The following PBX1 variants were observed in gnomAD, a reference collection of about 807,000 sequenced individuals.
PBX1 encodes PBX homeobox 1.
PBX1 carries 6 observed loss-of-function variants against 53.4 expected under a neutral mutation model. The ratio of observed to expected loss-of-function variants is 0.11; its 90% CI spans 0.06 to 0.22. PBX1 has a LOEUF of 0.22. PBX1 is among the 10% of genes least tolerant of loss of function. The pLI, the probability that PBX1 is intolerant of heterozygous loss-of-function variation, is 1.00. For synonymous variants in PBX1, 204 were observed against 212.3 expected, an observed-to-expected ratio of 0.96 and a Z score of 0.34; for missense variants, 251 against 551.4, an observed-to-expected ratio of 0.46 and a Z score of 5.46.
chr1:164,652,350 A>C (rs1659879960), intron 2 of PBX1, among the ~76,000 whole-genome samples: 1 of 151,976 alleles, frequency 6.6e-6, no homozygotes, highest in South Asian at 2.1e-4. Context: ...CCCTCACTCC[A>C]CCCCAATTTG....
chr1:164,869,294 C>T (rs979218361), intron 2 of PBX1, among the ~76,000 whole-genome samples: 3 of 152,142 alleles, frequency 2.0e-5, no homozygotes, highest in Non-Finnish European at 4.4e-5. Flanking sequence ...TAGTTAAAAC[C>T]CCAGGAGATC....
rs574561094 is a variant in PBX1 at position 164,802,418 on chromosome 1, C to T, written c.701+2529C>T. Among the ~76,000 whole-genome samples the T allele has an allele frequency of 3.6e-4, 55 of 152,200 alleles. 1 individual carries two copies. The highest frequency in any genetic ancestry group is 1.1e-3 in the African/African-American group (46 of 41,528). The stretch of plus-strand genomic sequence containing the variant: ...CAGAATTCATTTCCTTCTGATTGTA[C>T]GACTGAGGGCCTCAGTTCCTAGAGG... On this transcript the variant is annotated intron_variant, in intron 4 of 8. Coordinates refer to ENST00000420696, the MANE Select transcript of PBX1 (RefSeq NM_002585.4).
At chr1:164,651,200 AC>A (rs1659791862) in intron 2 of PBX1, among the ~76,000 whole-genome samples, 1 of 151,452 alleles carries the variant, frequency 6.6e-6, no homozygotes, top group South Asian at 2.1e-4. Flanking sequence ...CTTGGATCTC[AC>A]CCCCCTCCCC....
At position 164,851,230 on chromosome 1, in the gene PBX1, C is replaced by T. The variant is rs1304506692; in HGVS notation, c.*4554C>T. 4.8e-6 allele frequency: 1 copy of T among 210,346 alleles called. No homozygotes were observed. The highest frequency in any genetic ancestry group is 9.6e-6 in the Non-Finnish European group (1 of 103,774). The allele number at this position is 210,346 out of a possible 1,614,324, so 13.0% of individuals were successfully genotyped here. A position where few individuals can be genotyped will look rare whatever the true frequency, so the allele number is the denominator to read the frequency against. ...AGAGGAAAAAAGAAAGCCATATTAT[C>T]TGGAAAAAAATTCATTTTAAATACC... On this transcript the variant is annotated 3_prime_UTR_variant, in exon 9 of 9. Coordinates refer to ENST00000420696, the MANE Select transcript of PBX1 (RefSeq NM_002585.4).
Position 164,876,005 on chromosome 1 carries a change from TACAC to T in PBX1, n.258-23179_258-23176del, listed in dbSNP as rs57809969. Among the ~76,000 whole-genome samples, 135 of 56,838 alleles carry T rather than the reference TACAC, an allele frequency of 2.4e-3. 9 individuals are homozygous for T. The highest frequency in any genetic ancestry group is 4.2e-3 in the African/African-American group (128 of 30,820). The allele number at this position is 56,838 out of a possible 152,430, so 37.3% of individuals were successfully genotyped here. ...GTGTATGTGTATATATATATATATA[TACAC>T]ACATACACCAAATGGTTTTTTATTA... On this transcript the variant is annotated intron_variant and non_coding_transcript_variant, in intron 2 of 2. Transcript: ENST00000558796.
chr1:164,733,886 A>G (rs569047872), intron 2 of PBX1, among the ~76,000 whole-genome samples: 3 of 152,184 alleles, frequency 2.0e-5, no homozygotes, highest in Admixed American at 2.0e-4. Context: ...CAATTAAACT[A>G]TTTGTTTTTT....
intron 2 of PBX1, among the ~76,000 whole-genome samples, chr1:164,701,080 A>G (rs1326076246): frequency 1.3e-5 from 2 of 152,002 alleles, no homozygotes; most frequent in African/African-American, 2.4e-5. Flanking sequence ...TATGCGTGTC[A>G]GATAATAAGG....
chr1:164,638,211 C>T (rs1658901598), intron 2 of PBX1, among the ~76,000 whole-genome samples: 1 of 152,192 alleles, frequency 6.6e-6, no homozygotes, highest in African/African-American at 2.4e-5. Flanking sequence ...GCAGCGTGGT[C>T]ACTTGCGCAG....
At chr1:164,843,302 T>C (rs774230977) in intron 8 of PBX1, among the ~76,000 whole-genome samples, 2 of 152,152 alleles carry the variant, frequency 1.3e-5, no homozygotes, top group Non-Finnish European at 2.9e-5. Flanking sequence ...TTCTAAAAAG[T>C]ATTTGTGTTT....
intron 2 of PBX1, chr1:164,577,015 GTA>G (rs1654295595): frequency 6.6e-6 from 1 of 152,402 alleles, no homozygotes; most frequent in South Asian, 2.1e-4. Flanking sequence ...GTGAGTGTGT[GTA>G]TGTGCTAACA....
At chr1:164,683,980 T>TA in intron 2 of PBX1, 1 of 152,238 alleles carries the variant, frequency 6.6e-6, no homozygotes, top group Non-Finnish European at 1.5e-5. Flanking sequence ...TAATTTTATG[T>TA]ATTTTTTAGA....
chr1:164,619,521 T>C (rs182047359), intron 2 of PBX1, among the ~76,000 whole-genome samples: 4 of 152,256 alleles, frequency 2.6e-5, no homozygotes, highest in Admixed American at 2.6e-4. Context: ...GTGGGTGCTT[T>C]CTTACACCTT....
chr1:164,655,098 G>GT (rs1385024281), intron 2 of PBX1, among the ~76,000 whole-genome samples: 4 of 38,320 alleles, frequency 1.0e-4, no homozygotes, highest in African/African-American at 1.7e-4. Context: ...TCTCTGATGT[G>GT]TGTTTTTTTT....
At chr1:164,665,200 G>A (rs905196545) in intron 2 of PBX1, among the ~76,000 whole-genome samples, 9 of 151,892 alleles carry the variant, frequency 5.9e-5, no homozygotes, top group Non-Finnish European at 1.2e-4. Context: ...AATTCAGTCT[G>A]GCTACTTAAC....
chr1:164,566,606 T>C (rs559127435), intron 2 of PBX1, among the ~76,000 whole-genome samples: 3 of 152,226 alleles, frequency 2.0e-5, no homozygotes, highest in Middle Eastern at 3.4e-3. Context: ...GGTAATGGGG[T>C]TGGTGGGATA....
intron 2 of PBX1, among the ~76,000 whole-genome samples, chr1:164,762,603 C>G (rs1346939917): frequency 6.6e-6 from 1 of 152,200 alleles, no homozygotes; most frequent in East Asian, 1.9e-4. Flanking sequence ...CTCCATGTGT[C>G]TCTGTCTATC....
At chr1:164,758,832 C>T (rs1247555817) in intron 2 of PBX1, among the ~76,000 whole-genome samples, 2 of 152,140 alleles carry the variant, frequency 1.3e-5, no homozygotes, top group Admixed American at 1.3e-4. Context: ...GCTCACCTAG[C>T]ATCGTGTCTG....
intron 2 of PBX1, among the ~76,000 whole-genome samples, chr1:164,566,270 A>G (rs1279178948): frequency 6.6e-6 from 1 of 152,206 alleles, no homozygotes; most frequent in Admixed American, 6.5e-5. Context: ...AAAACAAAAC[A>G]AAAGAACCCA....
intron 2 of PBX1, among the ~76,000 whole-genome samples, chr1:164,589,223 A>T (rs186474917): frequency 6.6e-6 from 1 of 151,860 alleles, no homozygotes; most frequent in African/African-American, 2.4e-5. Flanking sequence ...TGGAAGGAGG[A>T]GGGGGGCGCG....
Sources: gnomAD v4.1 joint callset for allele counts (sites outside exome capture counted in the v4.1 genomes callset) on GRCh38, gnomAD v4.1.1 for gene constraint, MANE v1.5 for transcripts, NCBI Gene and HGNC (gene_info 2026-07-23, HGNC 2026-07-21) for gene names.